The following HNRNPA2B1 variants were observed in gnomAD, a reference collection of about 807,000 sequenced individuals.
The protein encoded by HNRNPA2B1 is heterogeneous nuclear ribonucleoprotein A2/B1.
A neutral mutation model predicts 46.3 loss-of-function variants in HNRNPA2B1; 3 were observed. The ratio of observed to expected loss-of-function variants is 0.06; its 90% CI spans 0.03 to 0.17. The LOEUF (loss-of-function observed/expected upper bound fraction) is 0.17. Ranked by LOEUF, HNRNPA2B1 falls within the 10% of genes least tolerant of loss-of-function variation. HNRNPA2B1 has a pLI of 1.00. For missense variants in HNRNPA2B1, 221 were observed against 418.9 expected (o/e 0.53, Z 4.12); for synonymous variants, 225 against 133.8 (o/e 1.68, Z -4.70).
In HNRNPA2B1 at chr7:26,196,456, A is replaced by G; in HGVS notation, c.603T>C (p.Arg201=). The G allele has an allele frequency of 1.2e-6, 2 of 1,614,190 alleles. No homozygotes were observed. The highest frequency in any genetic ancestry group is 1.7e-6 in the Non-Finnish European group (2 of 1,180,032). ...RGGNFGFGDS[R]GGGGNFGPGP... ...CTGGTCCGAAATTTCCACCGCCACCACGTGAATCCCCAAAGCCAAAGTTGC... is the reference window on the plus strand; with the variant it reads ...CTGGTCCGAAATTTCCACCGCCACCGCGTGAATCCCCAAAGCCAAAGTTGC... Residue 201 remains arginine (R), a synonymous_variant, in exon 6 of 11, where the codon CGT becomes CGC. Transcript: ENST00000618183.
Position 26,195,828 on chromosome 7 carries a change from A to T in HNRNPA2B1, c.721+19T>A. On this transcript the variant is annotated intron_variant, in intron 7 of 10. Transcript: ENST00000618183. ...AGTATTAGTCACATAAACAAACCAA[A>T]ACGTAGAGGAAAACTGACCTCCAGG... 1 of 1,606,566 alleles carries T rather than the reference A, an allele frequency of 6.2e-7. No homozygotes were observed. Among genetic ancestry groups the T allele is most frequent in the Non-Finnish European group, 8.5e-7 (1 of 1,177,864 alleles).
intron 5 of HNRNPA2B1, 22 bp downstream of exon 5, chr7:26,196,535 G>C: frequency 1.2e-6 from 2 of 1,612,158 alleles, no homozygotes; most frequent in Non-Finnish European, 1.7e-6. Flanking sequence ...CAAAAATAAA[G>C]AAGAAACAGA....
intron 3 of HNRNPA2B1, 78 bp downstream of exon 3, chr7:26,197,237 A>G (rs1256472020): frequency 4.7e-6 from 7 of 1,474,140 alleles, no homozygotes; most frequent in Non-Finnish European, 6.4e-6. Context: ...AGTTAAAACT[A>G]AATTCAGAAA....
At chr7:26,196,711 C>T (rs1351525360) in intron 4 of HNRNPA2B1, 53 bp from the exon 5 acceptor site, 3 of 1,571,810 alleles carry the variant, frequency 1.9e-6, no homozygotes, top group African/African-American at 1.4e-5. Flanking sequence ...TATTAAGCAG[C>T]TTCAAAAGTT....
chr7:26,193,789 T>C (rs1783175329), intron 7 of HNRNPA2B1, 95 bp from the exon 8 acceptor site: 4 of 1,060,062 alleles, frequency 3.8e-6, no homozygotes, highest in Non-Finnish European at 1.4e-6. Flanking sequence ...CAAGTTTCCA[T>C]GTGAAATATT....
At chr7:26,194,744 T>C (rs1010977841) in intron 7 of HNRNPA2B1, among the ~76,000 whole-genome samples, 11 of 148,298 alleles carry the variant, frequency 7.4e-5, no homozygotes, top group African/African-American at 1.0e-4. Flanking sequence ...TTACTGTAAA[T>C]AGAAGTGCGG....
rs568817931 is a variant in HNRNPA2B1 at position 26,200,398 on chromosome 7, T to C, written c.6+174A>G. 2.4e-4 allele frequency: 169 copies of C among 714,700 alleles called. No homozygotes were observed. In the African/African-American group the frequency reaches 2.6e-3, roughly 11 times the overall value. The allele number at this position is 714,700 out of a possible 1,614,324, so 44.3% of individuals were successfully genotyped here. On this transcript the variant is annotated intron_variant, in intron 1 of 10. Coordinates refer to ENST00000618183, the MANE Select transcript of HNRNPA2B1 (RefSeq NM_002137.4). ...CGGGAGGCTGAGGGTGGGGAAGCTGTTTGTACGCTCAGGCCTCCGCTCAAG... is the reference window on the plus strand; with the variant it reads ...CGGGAGGCTGAGGGTGGGGAAGCTGCTTGTACGCTCAGGCCTCCGCTCAAG...
chr7:26,195,092 CA>C (rs11356411), intron 7 of HNRNPA2B1, among the ~76,000 whole-genome samples: 7,038 of 51,726 alleles, frequency 0.14, 69 homozygotes, highest in African/African-American at 0.22. Context: ...GGCTCCGTCT[CA>C]AAAAAAAAAA....
At chr7:26,195,092 C>CAAAAAAAAAAAAAAAAAAAAAAA (rs11356411) in intron 7 of HNRNPA2B1, among the ~76,000 whole-genome samples, 8 of 51,938 alleles carry the variant, frequency 1.5e-4, no homozygotes, top group Non-Finnish European at 3.3e-4. Context: ...GGCTCCGTCT[C>CAAAAAAAAAAAAAAAAAAAAAAA]AAAAAAAAAA....
At chr7:26,197,177 AG>A (rs1249155720) in intron 3 of HNRNPA2B1, 137 bp downstream of exon 3, 12 of 1,214,900 alleles carry the variant, frequency 9.9e-6, no homozygotes, top group Admixed American at 9.3e-5. Flanking sequence ...AGCTAGCTTA[AG>A]AAAATGGTCC....
Position 26,193,183 on chromosome 7 carries a change from C to T in HNRNPA2B1, c.964+68G>A, listed in dbSNP as rs190058045. 1.4e-3 allele frequency: 1,972 copies of T among 1,424,786 alleles called. 2 individuals carry two copies. Among genetic ancestry groups the T allele is most frequent in the Middle Eastern group, 1.6e-3 (9 of 5,506 alleles). The allele number at this position is 1,424,786 out of a possible 1,614,324, so 88.3% of individuals were successfully genotyped here. ...ACAAACTACTTAGTATGTTATCTTC[C>T]CTTTAAGTCACAAAAGGCTAATCCT... On this transcript the variant is annotated intron_variant, in intron 9 of 10. Coordinates refer to ENST00000618183, the MANE Select transcript of HNRNPA2B1 (RefSeq NM_002137.4).
In HNRNPA2B1 at chr7:26,192,220, A is replaced by AT. The variant is rs1247630801; in HGVS notation, c.*139dup. The AT allele has an allele frequency of 2.9e-5, 9 of 309,970 alleles. No individual in the cohort carries two copies. The highest frequency in any genetic ancestry group is 1.8e-4 in the Admixed American group (4 of 21,688). The allele number at this position is 309,970 out of a possible 1,614,324, so 19.2% of individuals were successfully genotyped here. On this transcript the variant is annotated 3_prime_UTR_variant, in exon 11 of 11. Transcript: ENST00000618183. ...TGCATCTGCTCTGGTGTCTTCTGCC[A>AT]TATCACTGCATATTTATGCATGACT...
At position 26,192,477 on chromosome 7, in the gene HNRNPA2B1, A is replaced by C; in HGVS notation, c.*21+18T>G. 6.5e-7 allele frequency: 1 copy of C among 1,529,586 alleles called. No individual in the cohort carries two copies. The highest frequency in any genetic ancestry group is 2.2e-5 in the East Asian group (1 of 44,480). The allele number at this position is 1,529,586 out of a possible 1,614,324, so 94.8% of individuals were successfully genotyped here. On this transcript the variant is annotated intron_variant, in intron 10 of 10. Transcript: ENST00000618183. ...TCTCCCAAGATAATAATAATTGTAA[A>C]ACTCAAAAGCTACTTACCCATGGCA... is the stretch of plus-strand genomic sequence containing the variant.
chr7:26,197,327 A>T lies in HNRNPA2B1; in HGVS notation c.252T>A (p.Ala84=). ...IDGRVVEPKR[A]VAREESGKPG... ...ATTGTTTGCTTACCTCTCTTGCTAC[A>T]GCACGTTTTGGCTCAACTACTCTCC... The change falls in exon 3 of 11, where the codon GCT becomes GCA. Residue 84 remains alanine, a synonymous_variant. Coordinates refer to ENST00000618183, the MANE Select transcript of HNRNPA2B1 (RefSeq NM_002137.4). 6.2e-7 allele frequency: 1 copy of T among 1,612,016 alleles called. No individual in the cohort carries two copies. Among genetic ancestry groups the T allele is most frequent in the Non-Finnish European group, 8.5e-7 (1 of 1,178,724 alleles).
chr7:26,195,121 T>TAAAAAA (rs779105929), intron 7 of HNRNPA2B1, among the ~76,000 whole-genome samples: 14 of 118,746 alleles, frequency 1.2e-4, no homozygotes, highest in Non-Finnish European at 1.1e-4. Context: ...GAAACCATAT[T>TAAAAAA]AAAAAAAAAA....
In HNRNPA2B1 at chr7:26,192,593, C is replaced by G; in HGVS notation, c.965-16G>C. 1 of 1,611,386 alleles carries G rather than the reference C, an allele frequency of 6.2e-7. No homozygotes were observed. The highest frequency in any genetic ancestry group is 8.5e-7 in the Non-Finnish European group (1 of 1,177,526). On this transcript the variant is annotated splice_polypyrimidine_tract_variant and intron_variant, in intron 9 of 10. Transcript: ENST00000618183. ...CCATAGTTTCCTATAATTGTTGGAA[C>G]AGCAAGAGAAAACAAACTTACTTTG...
At chr7:26,199,520 T>C (rs1465214525) in intron 1 of HNRNPA2B1, 1 of 152,246 alleles carries the variant, frequency 6.6e-6, no homozygotes, top group Non-Finnish European at 1.5e-5. Flanking sequence ...TCCATGGATC[T>C]GTCCCGTAAG....
chr7:26,192,608 AACTT>A (rs1242919674), intron 9 of HNRNPA2B1, 31 bp from the exon 10 acceptor site: 6 of 1,584,212 alleles, frequency 3.8e-6, no homozygotes, highest in East Asian at 2.2e-5. Flanking sequence ...AGAGAAAACA[AACTT>A]ACTTTGATTT....
Position 26,200,450 on chromosome 7 carries a change from C to T in HNRNPA2B1, c.6+122G>A. 3 of 969,082 alleles carry T rather than the reference C, an allele frequency of 3.1e-6. No individual in the cohort carries two copies. The South Asian group carries it at 3.8e-5, about 12-fold the overall frequency. The allele number at this position is 969,082 out of a possible 1,614,324, so 60.0% of individuals were successfully genotyped here. On this transcript the variant is annotated intron_variant, in intron 1 of 10. Coordinates refer to ENST00000618183, the MANE Select transcript of HNRNPA2B1 (RefSeq NM_002137.4). ...CCCCGTTCATAAACCTTAAGCCCCACTGCTACTGAATTGGTCCGATTTCCT... is the reference window on the plus strand; with the variant it reads ...CCCCGTTCATAAACCTTAAGCCCCATTGCTACTGAATTGGTCCGATTTCCT...
Sources: gnomAD v4.1 joint callset for allele counts (sites outside exome capture counted in the v4.1 genomes callset) on GRCh38, gnomAD v4.1.1 for gene constraint, MANE v1.5 for transcripts, NCBI Gene and HGNC (gene_info 2026-07-23, HGNC 2026-07-21) for gene names.